The following BRCA2 variants were observed in gnomAD, a reference collection of about 807,000 sequenced individuals.
BRCA2 encodes breast cancer type 2 susceptibility protein.
A neutral mutation model predicts 276.7 loss-of-function variants in BRCA2; 203 were observed. The ratio of observed to expected loss-of-function variants is 0.73; its 90% CI spans 0.65 to 0.82. The LOEUF (loss-of-function observed/expected upper bound fraction) is 0.82, where lower values mean the gene tolerates loss of function less well. Among genes scored for constraint, BRCA2 ranks in the 40% least tolerant of loss-of-function variants. The pLI is 0.00. For missense variants in BRCA2, 3,920 were observed against 3,915.0 expected (o/e 1.00, Z -0.03); for synonymous variants, 1,289 against 1,338.4 (o/e 0.96, Z 0.81).
At chr13:32,354,776 A>C in intron 13 of BRCA2, 85 bp from the exon 14 acceptor site, 1 of 955,694 alleles carries the variant, frequency 1.0e-6, no homozygotes, top group Non-Finnish European at 1.7e-6. Context: ...ACCATGTAGC[A>C]AATGAGGGTC....
In BRCA2 at chr13:32,339,041, A is replaced by G. The variant is rs28897730; in HGVS notation, c.4686A>G (p.Gln1562=). 869 of 1,614,074 alleles carry G rather than the reference A, an allele frequency of 5.4e-4. No homozygotes were observed. The highest frequency in any genetic ancestry group is 6.7e-4 in the Non-Finnish European group (794 of 1,179,966). ...GTSEITSFSH[Q]WAKTLKYREA... ...GTGAAATCACCAGTTTTAGCCATCA[A>G]TGGGCAAAGACCCTAAAGTACAGAG... The change falls in exon 11 of 27, where the codon CAA becomes CAG. Residue 1562 remains glutamine (Q), a synonymous_variant. Coordinates refer to ENST00000380152, the MANE Select transcript of BRCA2 (RefSeq NM_000059.4).
At chr13:32,330,099 C>T (rs979219170) in intron 8 of BRCA2, among the ~76,000 whole-genome samples, 1 of 152,210 alleles carries the variant, frequency 6.6e-6, no homozygotes, top group Non-Finnish European at 1.5e-5. Context: ...CCCTTACTTG[C>T]AGTAAATGGC....
At position 32,338,981 on chromosome 13, in the gene BRCA2, GA is replaced by G. The variant is rs80359460; in HGVS notation, c.4631del (p.Asn1544ThrfsTer24). On this transcript the variant is annotated frameshift_variant, in exon 11 of 27. Coordinates refer to ENST00000380152, the MANE Select transcript of BRCA2 (RefSeq NM_000059.4). LOFTEE classifies it high-confidence loss of function. ...KIAKESLDKV[K>X]NLFDEKEQGT... ...TTGCAAAGGAATCTTTGGACAAAGTGAAAAACCTTTTTGATGAAAAAGAGCA... is the reference window on the plus strand; with the variant it reads ...TTGCAAAGGAATCTTTGGACAAAGTGAAAACCTTTTTGATGAAAAAGAGCA... The G allele has an allele frequency of 5.0e-6, 8 of 1,613,342 alleles. No individual in the cohort carries two copies. Among genetic ancestry groups the G allele is most frequent in the East Asian group, 4.5e-5 (2 of 44,890 alleles).
intron 20 of BRCA2, among the ~76,000 whole-genome samples, chr13:32,376,469 C>T (rs1170037873): frequency 2.0e-5 from 3 of 149,142 alleles, no homozygotes; most frequent in East Asian, 2.0e-4. Flanking sequence ...TGCAATGAGC[C>T]GAGATCACAC....
chr13:32,340,531 G>A lies in BRCA2; in HGVS notation c.6176G>A (p.Ser2059Asn), dbSNP rs587780657. 3.1e-6 allele frequency: 5 copies of A among 1,613,290 alleles called. No homozygotes were observed. The African/African-American group carries it at 5.3e-5, about 17-fold the overall frequency. ...AATTCATCTGCTTTCTCTGGATTTA[G>A]TACAGCAAGTGGAAAGCAAGTTTCC... The part of the protein sequence containing the change: ...VVNSSAFSGF[S>N]TASGKQVSIL... Residue 2059 changes from serine to asparagine, a missense_variant, in exon 11 of 27, where the codon AGT (serine) becomes AAT (asparagine). Ser to Asn is a conservative substitution (Grantham distance 46). Coordinates refer to ENST00000380152, the MANE Select transcript of BRCA2 (RefSeq NM_000059.4).
intron 10 of BRCA2, among the ~76,000 whole-genome samples, chr13:32,334,845 T>C (rs1308450837): frequency 6.6e-6 from 1 of 152,250 alleles, no homozygotes; most frequent in Non-Finnish European, 1.5e-5. Flanking sequence ...GGTGTAACTC[T>C]GTCCTCTTTG....
chr13:32,363,644 A>G (rs2137583626), intron 18 of BRCA2, 111 bp downstream of exon 18: 1 of 1,021,450 alleles, frequency 9.8e-7, no homozygotes, highest in Non-Finnish European at 1.4e-6. Context: ...TCTTAGATGT[A>G]CTGATAATTT....
At chr13:32,345,968 C>T (rs1289319038) in intron 12 of BRCA2, among the ~76,000 whole-genome samples, 2 of 151,978 alleles carry the variant, frequency 1.3e-5, no homozygotes, top group Non-Finnish European at 2.9e-5. Flanking sequence ...TCAAATGTCA[C>T]TCAAAATAAT....
intron 24 of BRCA2, among the ~76,000 whole-genome samples, chr13:32,389,402 A>T (rs2137642770): frequency 6.6e-6 from 1 of 152,292 alleles, no homozygotes; most frequent in Non-Finnish European, 1.5e-5. Flanking sequence ...CTCAGTCCTG[A>T]TGCTCTGAGA....
chr13:32,365,106 A>ATTTTTT (rs2072771353), intron 18 of BRCA2, among the ~76,000 whole-genome samples: 1 of 86,482 alleles, frequency 1.2e-5, no homozygotes, highest in African/African-American at 4.3e-5. Flanking sequence ...ATTGCAGTGC[A>ATTTTTT]TTCTTTTTTT....
chr13:32,387,497 C>T lies in BRCA2; in HGVS notation c.9257-7192C>T, dbSNP rs961891945. Among the ~76,000 whole-genome samples, 4 of 152,182 alleles carry T rather than the reference C, an allele frequency of 2.6e-5. No homozygotes were observed. The East Asian group carries it at 7.7e-4, about 29-fold the overall frequency. ...GTAACGGCAGTGTCTGGGAAGACAC[C>T]CGTTACTTAGCAGACCGCAAAAGGG... On this transcript the variant is annotated intron_variant, in intron 24 of 26. Transcript: ENST00000380152.
chr13:32,340,010 C>A lies in BRCA2; in HGVS notation c.5655C>A (p.Cys1885Ter), dbSNP rs80358789. The A allele has an allele frequency of 6.2e-7, 1 of 1,612,640 alleles. No individual in the cohort carries two copies. The highest frequency in any genetic ancestry group is 8.5e-7 in the Non-Finnish European group (1 of 1,179,594). ...KENNENKSKI[C>*]QTKIMAGCYE... ...ACAACGAGAATAAATCAAAAATTTG[C>A]CAAACGAAAATTATGGCAGGTTGTT... The change falls in exon 11 of 27, where the codon TGC becomes TGA. Residue 1885 changes from cysteine to a stop codon, truncating the protein, a stop_gained. Transcript: ENST00000380152. LOFTEE classifies it high-confidence loss of function.
Position 32,329,450 on chromosome 13 carries a change from TGAA to T in BRCA2, c.644_646del (p.Glu215del), listed in dbSNP as rs80359588. On this transcript the variant is annotated inframe_deletion, in exon 8 of 27. Transcript: ENST00000380152. ...TAAATTTTTATCTTACAGTCAGAAA[TGAA>T]GAAGCATCTGAAACTGTATTTCCTC... The T allele has an allele frequency of 1.1e-5, 17 of 1,596,114 alleles. No homozygotes were observed. The highest frequency in any genetic ancestry group is 4.0e-5 in the African/African-American group (3 of 74,534).
Position 32,354,892 on chromosome 13 carries a change from C to G in BRCA2, c.7039C>G (p.Pro2347Ala), listed in dbSNP as rs876660668. ...TTKERQEIQN[P>A]NFTAPGQEFL... ...TAAGGAACGTCAAGAGATACAGAATCCAAATTTTACCGCACCTGGTCAAGA... is the reference window on the plus strand; with the variant it reads ...TAAGGAACGTCAAGAGATACAGAATGCAAATTTTACCGCACCTGGTCAAGA... Residue 2347 changes from proline (P) to alanine (A), a missense_variant, in exon 14 of 27, where the codon CCA (proline) becomes GCA (alanine). By Grantham distance (27) the Pro-to-Ala change is conservative (BLOSUM62 -1). This residue lies in a region of BRCA2 where 3,263 missense variants were observed against 3,156.9 expected (regional missense o/e 1.03). Transcript: ENST00000380152. 4.3e-6 allele frequency: 7 copies of G among 1,612,132 alleles called. No individual in the cohort carries two copies. The highest frequency in any genetic ancestry group is 5.9e-6 in the Non-Finnish European group (7 of 1,178,304).
chr13:32,380,554 T>TTC (rs1555288607), intron 24 of BRCA2, among the ~76,000 whole-genome samples: 46 of 146,716 alleles, frequency 3.1e-4, no homozygotes, highest in South Asian at 2.5e-3. Context: ...TTTTTTTTTT[T>TTC]CCCCGAGATG....
Position 32,394,775 on chromosome 13 carries a change from A to C in BRCA2, c.9343A>C (p.Lys3115Gln). ...GATAGACCTTAATGAGGACATTATTAAGCCTCATATGTTAATTGCTGCAAG... is the reference window on the plus strand; with the variant it reads ...GATAGACCTTAATGAGGACATTATTCAGCCTCATATGTTAATTGCTGCAAG... Reference protein sequence around the residue: ...FWIDLNEDIIKPHMLIAASNL... With the variant: ...FWIDLNEDIIQPHMLIAASNL... The change falls in exon 25 of 27, where the codon AAG (lysine) becomes CAG (glutamine). Residue 3115 changes from lysine (K) to glutamine (Q), a missense_variant. By Grantham distance (53) the Lys-to-Gln change is moderately conservative (BLOSUM62 1). Transcript: ENST00000380152. 6.2e-7 allele frequency: 1 copy of C among 1,614,100 alleles called. No individual in the cohort carries two copies. Among genetic ancestry groups the C allele is most frequent in the Non-Finnish European group, 8.5e-7 (1 of 1,179,986 alleles).
At chr13:32,323,194 C>T (rs1317360564) in intron 3 of BRCA2, among the ~76,000 whole-genome samples, 1 of 150,434 alleles carries the variant, frequency 6.6e-6, no homozygotes, top group African/African-American at 2.5e-5. Context: ...GCTTTGTCGC[C>T]CAGGCTGGAG....
intron 13 of BRCA2, among the ~76,000 whole-genome samples, chr13:32,354,239 G>A (rs1285731662): frequency 6.6e-6 from 1 of 152,170 alleles, no homozygotes; most frequent in Non-Finnish European, 1.5e-5. Context: ...TTTCTGTAGA[G>A]TAGTGGGAGA....
intron 8 of BRCA2, among the ~76,000 whole-genome samples, chr13:32,330,189 C>G (rs11571632): frequency 5.3e-5 from 8 of 152,172 alleles, no homozygotes; most frequent in African/African-American, 1.9e-4. Flanking sequence ...ATGTAGCTGT[C>G]AATCAAAACA....
Sources: gnomAD v4.1 joint callset for allele counts (sites outside exome capture counted in the v4.1 genomes callset) on GRCh38, gnomAD v4.1.1 for gene constraint, gnomAD v4.1.1 regional missense constraint, MANE v1.5 for transcripts, NCBI Gene and HGNC (gene_info 2026-07-23, HGNC 2026-07-21) for gene names.